Variants in SYT14 observed in about 807,000 individuals in gnomAD.
SYT14 encodes the protein synaptotagmin 14, also known as synaptotagmin-14.
In SYT14, 32 loss-of-function variants were observed where a neutral mutation model predicts 74.2. That is an observed-to-expected ratio of 0.43 (90% CI 0.33 to 0.58). The LOEUF (loss-of-function observed/expected upper bound fraction) is 0.58, where lower values mean the gene tolerates loss of function less well. Among genes scored for constraint, SYT14 ranks in the 20% least tolerant of loss-of-function variants. SYT14 has a pLI of 0.05. For synonymous variants in SYT14, 298 were observed against 337.7 expected (o/e 0.88, Z 1.29); for missense variants, 791 against 981.8 (o/e 0.81, Z 2.60).
intron 7 of SYT14, among the ~76,000 whole-genome samples, chr1:210,129,197 A>T (rs1231396656): frequency 1.3e-5 from 2 of 152,220 alleles, no homozygotes; most frequent in Non-Finnish European, 2.9e-5. Flanking sequence ...ATGCACACCA[A>T]CTCAAAATGG....
At chr1:210,022,988 C>T (rs114112509) in intron 5 of SYT14, among the ~76,000 whole-genome samples, 2,077 of 152,202 alleles carry the variant, frequency 0.014, 16 homozygotes, top group South Asian at 0.02. Flanking sequence ...ACTATTCTTG[C>T]CCTAACCTCT....
intron 7 of SYT14, among the ~76,000 whole-genome samples, chr1:210,151,740 C>T (rs1450922216): frequency 1.3e-5 from 2 of 152,152 alleles, no homozygotes; most frequent in Admixed American, 6.5e-5. Context: ...CACTATATTT[C>T]AGCAGGGCTT....
chr1:210,156,466 A>G (rs765867275), intron 8 of SYT14, among the ~76,000 whole-genome samples: 1 of 152,090 alleles, frequency 6.6e-6, no homozygotes, highest in Non-Finnish European at 1.5e-5. Flanking sequence ...AGAATAAGGA[A>G]CAGTTTGCTG....
intron 2 of SYT14, among the ~76,000 whole-genome samples, chr1:209,989,709 C>G (rs1377777711): frequency 6.6e-6 from 1 of 151,930 alleles, no homozygotes; most frequent in East Asian, 1.9e-4. Context: ...TTGAGCATGT[C>G]AGGGGAATTA....
At chr1:209,996,383 G>T (rs1041983299) in intron 2 of SYT14, among the ~76,000 whole-genome samples, 1 of 152,066 alleles carries the variant, frequency 6.6e-6, no homozygotes, top group Non-Finnish European at 1.5e-5. Flanking sequence ...GAAACATGCA[G>T]TCTTCCAAGA....
intron 7 of SYT14, among the ~76,000 whole-genome samples, chr1:210,121,662 C>T (rs949793396): frequency 4.6e-5 from 7 of 151,766 alleles, no homozygotes; most frequent in South Asian, 2.1e-4. Flanking sequence ...GGCGTGGTGG[C>T]GGGCGCCTGT....
chr1:210,010,883 T>C (rs1281311351), intron 2 of SYT14, among the ~76,000 whole-genome samples: 1 of 152,212 alleles, frequency 6.6e-6, no homozygotes, highest in African/African-American at 2.4e-5. Context: ...CAATTTACAA[T>C]GGGGATGATA....
At chr1:209,983,168 G>T (rs1436467098) in intron 2 of SYT14, among the ~76,000 whole-genome samples, 2 of 151,738 alleles carry the variant, frequency 1.3e-5, no homozygotes, top group African/African-American at 4.8e-5. Flanking sequence ...TCTTCGCATT[G>T]TATTTTGCAG....
intron 7 of SYT14, among the ~76,000 whole-genome samples, chr1:210,102,162 G>T (rs1202643013): frequency 6.6e-6 from 1 of 152,034 alleles, no homozygotes; most frequent in Admixed American, 6.6e-5. Flanking sequence ...GTAAACTTGT[G>T]TCATGGGGGT....
exon 10 of SYT14, chr1:210,163,813 G>A (rs1314380270): frequency 4.4e-6 from 2 of 453,736 alleles, no homozygotes; most frequent in East Asian, 1.4e-4. Context: ...TTCTTTGTGT[G>A]CTTGAATTTG....
At chr1:210,006,397 T>G (rs1283834962) in intron 2 of SYT14, among the ~76,000 whole-genome samples, 1 of 151,954 alleles carries the variant, frequency 6.6e-6, no homozygotes, top group Non-Finnish European at 1.5e-5. Flanking sequence ...TATGAATAAT[T>G]CTCTATGTCC....
chr1:210,019,049 T>C (rs1443402476), intron 4 of SYT14, among the ~76,000 whole-genome samples: 1 of 145,558 alleles, frequency 6.9e-6, no homozygotes, highest in Non-Finnish European at 1.5e-5. Flanking sequence ...GGCAGGAGAA[T>C]TGCTTGAACC....
intron 5 of SYT14, among the ~76,000 whole-genome samples, chr1:210,091,639 A>G (rs190704233): frequency 6.6e-6 from 1 of 152,308 alleles, no homozygotes; most frequent in African/African-American, 2.4e-5. Context: ...GCAGTGAGCC[A>G]TGTTCACTGG....
At chr1:209,985,199 GGA>G (rs2079549947) in intron 2 of SYT14, among the ~76,000 whole-genome samples, 1 of 152,212 alleles carries the variant, frequency 6.6e-6, no homozygotes, top group African/African-American at 2.4e-5. Context: ...CTTCTGTCTA[GGA>G]GCCTGTAAAA....
chr1:210,149,829 C>A (rs1319585771), intron 7 of SYT14, among the ~76,000 whole-genome samples: 1 of 152,134 alleles, frequency 6.6e-6, no homozygotes, highest in Non-Finnish European at 1.5e-5. Context: ...AGGGTACTTA[C>A]AATTGGAGCA....
At chr1:210,066,450 T>C (rs964921207) in intron 5 of SYT14, among the ~76,000 whole-genome samples, 1 of 152,188 alleles carries the variant, frequency 6.6e-6, no homozygotes. Flanking sequence ...CTCATTGTGG[T>C]TTTGATTTGC....
At chr1:210,151,732 C>T (rs1014154672) in intron 7 of SYT14, among the ~76,000 whole-genome samples, 2 of 152,142 alleles carry the variant, frequency 1.3e-5, no homozygotes, top group Non-Finnish European at 2.9e-5. Context: ...GTAAACACCA[C>T]TATATTTCAG....
intron 7 of SYT14, among the ~76,000 whole-genome samples, chr1:210,112,257 G>A (rs894930985): frequency 2.6e-5 from 4 of 151,170 alleles, no homozygotes; most frequent in South Asian, 4.1e-4. Context: ...GCAAATCCCC[G>A]AGCTTGATGT....
In SYT14 at chr1:210,122,492, A is replaced by T. The variant is rs150069093; in HGVS notation, c.2034+22031A>T. The stretch of plus-strand genomic sequence containing the variant: ...TAAAGCTTTTGCCCAAAATTGACAC[A>T]TGCCACTTCCATTTACATTTCATTG... On this transcript the variant is annotated intron_variant, in intron 7 of 9. Transcript: ENST00000637265. 1.3e-3 allele frequency among the ~76,000 whole-genome samples: 193 copies of T among 152,074 alleles called. 4 individuals carry two copies. In the East Asian group the frequency reaches 0.034, roughly 27 times the overall value.
Sources: allele counts gnomAD v4.1 joint callset (sites outside exome capture counted in the v4.1 genomes callset), GRCh38; gene constraint gnomAD v4.1.1; transcripts MANE v1.5; gene names NCBI Gene and HGNC (gene_info 2026-07-23, HGNC 2026-07-21).